The following ITSN1 variants were observed in gnomAD, a reference collection of about 807,000 sequenced individuals.
ITSN1 encodes the protein intersectin 1, also known as intersectin-1.
Under a neutral mutation model 239.8 loss-of-function variants are expected in ITSN1, and 58 were observed. The ratio of observed to expected loss-of-function variants is 0.24; its 90% CI spans 0.20 to 0.30. The LOEUF (loss-of-function observed/expected upper bound fraction) is 0.30. Ranked by LOEUF, ITSN1 falls within the 10% of genes least tolerant of loss-of-function variation. The pLI, the probability that ITSN1 is intolerant of heterozygous loss-of-function variation, is 1.00. For missense variants in ITSN1, 1,558 were observed against 2,103.3 expected, an observed-to-expected ratio of 0.74 and a Z score of 5.07; for synonymous variants, 780 against 770.8, an observed-to-expected ratio of 1.01 and a Z score of -0.20.
intron 3 of ITSN1, 47 bp from the exon 4 acceptor site, chr21:33,722,541 G>GTTT (rs764858527): frequency 2.1e-6 from 3 of 1,459,408 alleles, no homozygotes; most frequent in Non-Finnish European, 9.1e-7. Flanking sequence ...TCTGTCAGCT[G>GTTT]TTGTTTTTTT....
At chr21:33,736,757 A>G (rs1033489996) in intron 5 of ITSN1, among the ~76,000 whole-genome samples, 1 of 152,244 alleles carries the variant, frequency 6.6e-6, no homozygotes. Flanking sequence ...AGGCCAAAGC[A>G]GGAGGATTGC....
chr21:33,685,527 C>T (rs2091195953), intron 1 of ITSN1, among the ~76,000 whole-genome samples: 1 of 151,092 alleles, frequency 6.6e-6, no homozygotes, highest in Non-Finnish European at 1.5e-5. Context: ...TTAAAGCTAC[C>T]TCATAATAGC....
intron 7 of ITSN1, among the ~76,000 whole-genome samples, chr21:33,755,054 C>T (rs549697071): frequency 2.5e-4 from 38 of 152,152 alleles, no homozygotes; most frequent in Middle Eastern, 3.4e-3. Flanking sequence ...AACAGCCTCT[C>T]AGTCTATTGT....
At chr21:33,684,684 G>C (rs1228271065) in intron 1 of ITSN1, among the ~76,000 whole-genome samples, 2 of 151,988 alleles carry the variant, frequency 1.3e-5, no homozygotes, top group Admixed American at 6.6e-5. Context: ...ATTTATTCCT[G>C]ATATTTATAT....
intron 1 of ITSN1, among the ~76,000 whole-genome samples, chr21:33,665,055 G>A (rs1254898433): frequency 6.6e-6 from 1 of 152,166 alleles, no homozygotes; most frequent in Non-Finnish European, 1.5e-5. Flanking sequence ...ACGAGGTCAG[G>A]AGTTCGAGAC....
At chr21:33,714,118 C>G (rs1463922425) in intron 1 of ITSN1, among the ~76,000 whole-genome samples, 1 of 149,416 alleles carries the variant, frequency 6.7e-6, no homozygotes, top group Non-Finnish European at 1.5e-5. Context: ...GCGTGAGCCA[C>G]CGCCCCTGGC....
chr21:33,777,785 C>G (rs141512580), intron 14 of ITSN1, among the ~76,000 whole-genome samples: 1 of 152,094 alleles, frequency 6.6e-6, no homozygotes, highest in African/African-American at 2.4e-5. Context: ...TCTGTGATTG[C>G]TTAACTAACT....
At chr21:33,658,263 A>G (rs999203101) in intron 1 of ITSN1, among the ~76,000 whole-genome samples, 10 of 152,284 alleles carry the variant, frequency 6.6e-5, no homozygotes, top group South Asian at 2.1e-4. Flanking sequence ...AGGAGGAGGA[A>G]GAAGGGTTGG....
At chr21:33,708,127 AATAATGTTGAAC>A (rs2092306125) in intron 1 of ITSN1, among the ~76,000 whole-genome samples, 1 of 152,204 alleles carries the variant, frequency 6.6e-6, no homozygotes, top group Admixed American at 6.5e-5. Context: ...CCTGATGATT[AATAATGTTGAAC>A]ATCTTTTCAT....
intron 5 of ITSN1, among the ~76,000 whole-genome samples, chr21:33,740,678 C>T (rs972616360): frequency 2.0e-5 from 3 of 152,124 alleles, no homozygotes; most frequent in East Asian, 1.9e-4. Flanking sequence ...AGCCAGAATA[C>T]GGCTTCTGGT....
rs1298072155 is a variant in ITSN1, at chr21:33,863,679, C to G, written c.3891-1472C>G. Among the ~76,000 whole-genome samples, 4 of 152,180 alleles carry G rather than the reference C, an allele frequency of 2.6e-5. No homozygotes were observed. In the East Asian group the frequency reaches 7.7e-4, roughly 29 times the overall value. On this transcript the variant is annotated intron_variant, in intron 31 of 39. Transcript: ENST00000381318. ...GGAAAGGGTGAAAGTACTTTTTATT[C>G]ACTTGTTAAAAAAACTACTCCTCAT...
chr21:33,723,272 C>T (rs2065608459), intron 4 of ITSN1, among the ~76,000 whole-genome samples: 1 of 152,168 alleles, frequency 6.6e-6, no homozygotes, highest in Non-Finnish European at 1.5e-5. Context: ...GTGCTTAATA[C>T]TTCACTTCCC....
chr21:33,735,249 TA>T (rs759044858), intron 5 of ITSN1, 45 bp downstream of exon 5: 29 of 1,567,794 alleles, frequency 1.8e-5, no homozygotes, highest in Non-Finnish European at 7.0e-6. Flanking sequence ...TTGTATATTT[TA>T]AAAATAAATG....
In ITSN1 at chr21:33,886,354, C is replaced by A. The variant is rs756507579; in HGVS notation, c.4911C>A (p.Asp1637Glu). The change falls in exon 39 of 40, where the codon GAC (aspartate) becomes GAA (glutamate). Residue 1637 changes from aspartate to glutamate, a missense_variant. Physicochemically the swap from Asp to Glu is conservative, Grantham distance 45. Coordinates refer to ENST00000381318, the MANE Select transcript of ITSN1 (RefSeq NM_003024.3). ...SQCHITKTIQ[D>E]TLNPKWNSNC... ...GCCACATCACCAAGACGATCCAGGA[C>A]ACTCTGAACCCCAAGTGGAATTCCA... 1 of 1,614,056 alleles carries A rather than the reference C, an allele frequency of 6.2e-7. No homozygotes were observed. The highest frequency in any genetic ancestry group is 8.5e-7 in the Non-Finnish European group (1 of 1,179,974).
At chr21:33,880,394 T>C (rs953873304) in intron 34 of ITSN1, among the ~76,000 whole-genome samples, 2 of 152,050 alleles carry the variant, frequency 1.3e-5, no homozygotes, top group African/African-American at 4.8e-5. Context: ...TTGAACCCTG[T>C]CTTGGCAAGC....
At chr21:33,836,863 CT>C in intron 29 of ITSN1, 3 of 800,920 alleles carry the variant, frequency 3.7e-6, no homozygotes, top group South Asian at 1.8e-5. Context: ...CCCCTCCCTC[CT>C]TTTTCCTTTT....
At chr21:33,799,595 C>T (rs530073077) in intron 18 of ITSN1, among the ~76,000 whole-genome samples, 27 of 151,952 alleles carry the variant, frequency 1.8e-4, no homozygotes, top group African/African-American at 6.5e-4. Context: ...GAGAGAGTCA[C>T]TAATGAACTC....
chr21:33,875,486 A>G lies in ITSN1; in HGVS notation c.4306A>G (p.Ile1436Val). Residue 1436 changes from isoleucine (I) to valine (V), a missense_variant, in exon 34 of 40, where the codon ATC (isoleucine) becomes GTC (valine). This residue lies in a region of ITSN1 where 576 missense variants were observed against 893.3 expected (regional missense o/e 0.64). Transcript: ENST00000381318. ...GGAGAACTCTGACCGGCTGGAGTGG[A>G]TCCAGGCCCACGTGCAGTGTGAAGG... ...EKENSDRLEW[I>V]QAHVQCEGLS... 6.2e-7 allele frequency: 1 copy of G among 1,614,140 alleles called. No homozygotes were observed. The highest frequency in any genetic ancestry group is 2.2e-5 in the East Asian group (1 of 44,868).
rs1555958908 is a variant in ITSN1, at chr21:33,851,798, T to TC, written c.3662-4936dup. Among the ~76,000 whole-genome samples the TC allele has an allele frequency of 5.5e-3, 762 of 138,126 alleles. 19 individuals are homozygous for TC. The highest frequency in any genetic ancestry group is 0.019 in the African/African-American group (700 of 36,354). The allele number at this position is 138,126 out of a possible 152,430, so 90.6% of individuals were successfully genotyped here. Reference sequence around the variant, plus strand: ...CTTTCCTTTTTTTTTTTTTTTTTTTTCCTGAGACAGGTGCTCGCTCTGTTG... The same window carrying TC: ...CTTTCCTTTTTTTTTTTTTTTTTTTTCCCTGAGACAGGTGCTCGCTCTGTTG... On this transcript the variant is annotated intron_variant, in intron 29 of 39. Coordinates refer to ENST00000381318, the MANE Select transcript of ITSN1 (RefSeq NM_003024.3).
Sources: gnomAD v4.1 joint callset for allele counts (sites outside exome capture counted in the v4.1 genomes callset) on GRCh38, gnomAD v4.1.1 for gene constraint, gnomAD v4.1.1 regional missense constraint, MANE v1.5 for transcripts, NCBI Gene and HGNC (gene_info 2026-07-23, HGNC 2026-07-21) for gene names.